ST3GAL2: variants seen among roughly 807,000 people sequenced by gnomAD.
ST3GAL2 encodes CMP-N-acetylneuraminate-beta-galactosamide-alpha-2,3-sialyltransferase 2.
ST3GAL2 carries 16 observed loss-of-function variants against 37.5 expected under a neutral mutation model. That is an observed-to-expected ratio of 0.43 (90% CI 0.29 to 0.65). ST3GAL2 has a LOEUF of 0.65. Ranked by LOEUF, ST3GAL2 falls within the 30% of genes least tolerant of loss-of-function variation. ST3GAL2 has a pLI of 0.17. For synonymous variants in ST3GAL2, 238 were observed against 202.9 expected (o/e 1.17, Z -1.47); for missense variants, 383 against 487.8 (o/e 0.79, Z 2.02).
chr16:70,381,560 C>T lies in ST3GAL2; in HGVS notation c.*129G>A. On this transcript the variant is annotated 3_prime_UTR_variant, in exon 7 of 7. Transcript: ENST00000342907. ...CCAGGCCCGGCCGGTCCCCCAGTCT[C>T]GTGATTGGCGGGGCACAGCAGACGC... 1.7e-6 allele frequency: 2 copies of T among 1,163,974 alleles called. No individual in the cohort carries two copies. The highest frequency in any genetic ancestry group is 1.2e-6 in the Non-Finnish European group (1 of 848,262). 72.1% of individuals were successfully genotyped at this position (1,163,974 alleles called of 1,614,324 possible).
intron 6 of ST3GAL2, 37 bp from the exon 7 acceptor site, chr16:70,381,899 G>A (rs376508858): frequency 6.2e-7 from 1 of 1,607,202 alleles, no homozygotes. Context: ...CCCCAGGCGG[G>A]GACCTGGAGG....
chr16:70,383,715 C>G (rs1174616814), intron 4 of ST3GAL2, among the ~76,000 whole-genome samples: 1 of 151,806 alleles, frequency 6.6e-6, no homozygotes, highest in African/African-American at 2.4e-5. Flanking sequence ...TAGGGATGCC[C>G]CCCACGCCAG....
At chr16:70,400,622 A>C (rs1255498307) in intron 1 of ST3GAL2, 1 of 152,310 alleles carries the variant, frequency 6.6e-6, no homozygotes, top group African/African-American at 2.4e-5. Flanking sequence ...GCCAGCAGGG[A>C]ATGGAACGAG....
At chr16:70,417,270 T>A (rs1419031437) in intron 1 of ST3GAL2, among the ~76,000 whole-genome samples, 1 of 151,064 alleles carries the variant, frequency 6.6e-6, no homozygotes, top group East Asian at 1.9e-4. Context: ...CACACAGCAC[T>A]GACTCTGGCT....
rs531993776 is a variant in ST3GAL2, at chr16:70,387,950, C to CT, written c.713+416dup. ...ACCAACATGAAGAAACCTGTCTCTA[C>CT]TAAAATACAAAATTAGCCGGGCGTG... On this transcript the variant is annotated intron_variant, in intron 4 of 6. Transcript: ENST00000342907. Among the ~76,000 whole-genome samples the CT allele has an allele frequency of 1.3e-3, 202 of 151,972 alleles. 1 individual carries two copies. The highest frequency in any genetic ancestry group is 4.8e-3 in the African/African-American group (199 of 41,450).
chr16:70,423,940 C>T (rs2047732997), intron 1 of ST3GAL2, among the ~76,000 whole-genome samples: 1 of 151,902 alleles, frequency 6.6e-6, no homozygotes. Context: ...CGCCTGTAGT[C>T]CCAGCTACTC....
rs1157987850 is a variant in ST3GAL2 at position 70,377,823 on chromosome 16, A to G, written c.*3866T>C. Reference sequence around the variant, plus strand: ...GGTCAACAGAGCAAAACTCCATCTCAAAAATAAAAAAATATAAGCAACCAG... The same window carrying G: ...GGTCAACAGAGCAAAACTCCATCTCGAAAATAAAAAAATATAAGCAACCAG... On this transcript the variant is annotated 3_prime_UTR_variant, in exon 7 of 7. Coordinates refer to ENST00000342907, the MANE Select transcript of ST3GAL2 (RefSeq NM_006927.4). 6.6e-6 allele frequency: 1 copy of G among 152,088 alleles called. No homozygotes were observed. Among genetic ancestry groups the G allele is most frequent in the Non-Finnish European group, 1.5e-5 (1 of 68,034 alleles). The allele number at this position is 152,088 out of a possible 1,614,324, so 9.4% of individuals were successfully genotyped here. A position where few individuals can be genotyped will look rare whatever the true frequency, so the allele number is the denominator to read the frequency against.
intron 1 of ST3GAL2, among the ~76,000 whole-genome samples, chr16:70,402,730 G>T (rs1487634459): frequency 6.6e-6 from 1 of 152,076 alleles, no homozygotes; most frequent in Non-Finnish European, 1.5e-5. Flanking sequence ...GCTCACTGCA[G>T]CCTCCGCCTC....
At chr16:70,432,253 T>C (rs1202488453) in intron 1 of ST3GAL2, among the ~76,000 whole-genome samples, 1 of 152,192 alleles carries the variant, frequency 6.6e-6, no homozygotes, top group African/African-American at 2.4e-5. Context: ...CATTAATAGT[T>C]GGTAAAACAG....
At chr16:70,392,882 T>G (rs1447535195) in intron 3 of ST3GAL2, among the ~76,000 whole-genome samples, 1 of 152,004 alleles carries the variant, frequency 6.6e-6, no homozygotes, top group East Asian at 1.9e-4. Flanking sequence ...ACTCTTGGGC[T>G]CAAACGATCC....
chr16:70,436,240 A>C (rs2047824572), intron 1 of ST3GAL2, among the ~76,000 whole-genome samples: 1 of 152,062 alleles, frequency 6.6e-6, no homozygotes, highest in South Asian at 2.1e-4. Flanking sequence ...CCAGTCTGGC[A>C]AACATGGTGA....
At position 70,380,302 on chromosome 16, in the gene ST3GAL2, G is replaced by A. The variant is rs1426568720; in HGVS notation, c.*1387C>T. The A allele has an allele frequency of 6.6e-6, 1 of 152,316 alleles. No homozygotes were observed. The highest frequency in any genetic ancestry group is 1.5e-5 in the Non-Finnish European group (1 of 68,126). The allele number at this position is 152,316 out of a possible 1,614,324, so 9.4% of individuals were successfully genotyped here. A position where few individuals can be genotyped will look rare whatever the true frequency, so the allele number is the denominator to read the frequency against. On this transcript the variant is annotated 3_prime_UTR_variant, in exon 7 of 7. Coordinates refer to ENST00000342907, the MANE Select transcript of ST3GAL2 (RefSeq NM_006927.4). ...GTCCCTGTTCCCTCAGCCAGCTGCA[G>A]GAACCTACCAACGGCCAGGAAGCTG... is the stretch of plus-strand genomic sequence containing the variant.
At position 70,398,414 on chromosome 16, in the gene ST3GAL2, T is replaced by C. The variant is rs1306965135; in HGVS notation, c.117A>G (p.Ser39=). The C allele has an allele frequency of 6.2e-6, 10 of 1,613,520 alleles. No homozygotes were observed. Among genetic ancestry groups the C allele is most frequent in the African/African-American group, 1.3e-5 (1 of 74,928 alleles). ...CCCGGTGCGTCCCATCCAGGGCCCC[T>C]GAGTCCAGGTAGGGGAGCGTGGCCA... ...HSMATLPYLD[S]GALDGTHRVK... is the part of the protein sequence containing the mutation. The change falls in exon 2 of 7, where the codon TCA becomes TCG. Residue 39 remains serine (S), a synonymous_variant. Coordinates refer to ENST00000342907, the MANE Select transcript of ST3GAL2 (RefSeq NM_006927.4).
intron 2 of ST3GAL2, among the ~76,000 whole-genome samples, chr16:70,396,746 T>G (rs1220797297): frequency 6.6e-6 from 1 of 152,152 alleles, no homozygotes; most frequent in Admixed American, 6.5e-5. Flanking sequence ...CCTTGCAGCT[T>G]GGGAGCCTGC....
Position 70,383,170 on chromosome 16 carries a change from G to A in ST3GAL2, c.759+20C>T, listed in dbSNP as rs1044333006. ...GCCAGCACTGTTTCCACTGAGGTGG[G>A]GAAGAAGTGGGGAGCTTACCTTTTC... On this transcript the variant is annotated intron_variant, in intron 5 of 6. Coordinates refer to ENST00000342907, the MANE Select transcript of ST3GAL2 (RefSeq NM_006927.4). 3 of 1,612,636 alleles carry A rather than the reference G, an allele frequency of 1.9e-6. No individual in the cohort carries two copies. The African/African-American group carries it at 4.0e-5, about 22-fold the overall frequency.
At chr16:70,395,715 C>A (rs986509567) in intron 2 of ST3GAL2, among the ~76,000 whole-genome samples, 1 of 152,192 alleles carries the variant, frequency 6.6e-6, no homozygotes, top group Non-Finnish European at 1.5e-5. Context: ...ACCAGCGAGA[C>A]CTGTACCAAC....
intron 1 of ST3GAL2, among the ~76,000 whole-genome samples, chr16:70,401,535 C>T (rs187308966): frequency 6.6e-6 from 1 of 152,022 alleles, no homozygotes; most frequent in Non-Finnish European, 1.5e-5. Context: ...AAAAAAAAAT[C>T]AAAGGCCCCC....
Position 70,381,718 on chromosome 16 carries a change from T to C in ST3GAL2, c.1024A>G (p.Ser342Gly). Residue 342 changes from serine to glycine, a missense_variant, in exon 7 of 7, where the codon AGC becomes GGC. Ser to Gly is a moderately conservative substitution (Grantham distance 56). This residue lies in a region of ST3GAL2 where 160 missense variants were observed against 248.6 expected (regional missense o/e 0.64). Transcript: ENST00000342907. ...AHIIDMLAKA[S>G]KIEVYRGN is the part of the protein sequence containing the mutation. The stretch of plus-strand genomic sequence containing the variant: ...TTGCCCCGGTAGACTTCGATCTTGC[T>C]GGCCTTGGCCAGCATGTCGATGATG... 6.2e-7 allele frequency: 1 copy of C among 1,614,014 alleles called. No homozygotes were observed.
At chr16:70,422,614 G>A (rs559766676) in intron 1 of ST3GAL2, among the ~76,000 whole-genome samples, 4 of 152,242 alleles carry the variant, frequency 2.6e-5, no homozygotes, top group South Asian at 4.1e-4. Context: ...AGGAGCTGGT[G>A]AGCATTGCCC....
Sources: allele counts gnomAD v4.1 joint callset (sites outside exome capture counted in the v4.1 genomes callset), GRCh38; gene constraint gnomAD v4.1.1; regional missense constraint gnomAD v4.1.1; transcripts MANE v1.5; gene names NCBI Gene and HGNC (gene_info 2026-07-23, HGNC 2026-07-21).